The following PCNX2 variants were observed in gnomAD, a reference collection of about 807,000 sequenced individuals.
PCNX2 encodes the protein pecanex 2.
A neutral mutation model predicts 223.8 loss-of-function variants in PCNX2; 168 were observed. The observed-to-expected ratio is 0.75, with a 90% CI of 0.66 to 0.85. The LOEUF is 0.85. Among genes scored for constraint, PCNX2 ranks in the 40% least tolerant of loss-of-function variants. The pLI, the probability that PCNX2 is intolerant of heterozygous loss-of-function variation, is 0.00. For synonymous variants in PCNX2, 1,006 were observed against 1,052.6 expected (o/e 0.96, Z 0.86); for missense variants, 2,507 against 2,675.5 (o/e 0.94, Z 1.39).
chr1:233,319,500 C>A, the PCNX2 span, among the ~76,000 whole-genome samples: 10 of 151,846 alleles, frequency 6.6e-5, no homozygotes, highest in Admixed American at 3.3e-4. Flanking sequence ...AGTGGAAGCC[C>A]AAGAGAGAAA....
intron 23 of PCNX2, among the ~76,000 whole-genome samples, chr1:233,062,290 T>C (rs1221795305): frequency 6.6e-6 from 1 of 152,214 alleles, no homozygotes; most frequent in Non-Finnish European, 1.5e-5. Flanking sequence ...TGCATGTGTG[T>C]ATATATTCTG....
chr1:233,173,187 T>C (rs1442590634), intron 17 of PCNX2, among the ~76,000 whole-genome samples: 1 of 152,084 alleles, frequency 6.6e-6, no homozygotes, highest in Non-Finnish European at 1.5e-5. Flanking sequence ...TTTCTCTTTT[T>C]AAAGACAGAG....
intron 13 of PCNX2, chr1:233,202,087 C>T: frequency 2.3e-6 from 1 of 428,510 alleles, no homozygotes; most frequent in South Asian, 1.8e-5. Flanking sequence ...AGAGGGAGTC[C>T]ATGTGTCTCA....
At chr1:233,174,923 C>T (rs1458498650) in intron 17 of PCNX2, among the ~76,000 whole-genome samples, 1 of 152,094 alleles carries the variant, frequency 6.6e-6, no homozygotes, top group Non-Finnish European at 1.5e-5. Flanking sequence ...TCAATGTTTC[C>T]TGAAGTGCAA....
upstream of PCNX2, among the ~76,000 whole-genome samples, chr1:233,298,883 A>AAAACAAACAAAC (rs146968053): frequency 2.0e-5 from 3 of 151,422 alleles, no homozygotes; most frequent in Admixed American, 1.3e-4. Flanking sequence ...CTGCATCTCA[A>AAAACAAACAAAC]AAACAAACAA....
At chr1:233,204,545 T>C (rs552795023) in intron 13 of PCNX2, among the ~76,000 whole-genome samples, 6 of 152,354 alleles carry the variant, frequency 3.9e-5, no homozygotes, top group Admixed American at 3.9e-4. Context: ...TTACATCCCT[T>C]GCTAGTTGAG....
intron 9 of PCNX2, chr1:233,232,806 A>G (rs1401077243): frequency 1.0e-6 from 1 of 985,216 alleles, no homozygotes; most frequent in Non-Finnish European, 1.2e-6. Context: ...TATCTTTGCA[A>G]TTCTCACCAA....
intron 1 of PCNX2, among the ~76,000 whole-genome samples, chr1:233,281,948 G>A (rs755073075): frequency 6.6e-6 from 1 of 152,126 alleles, no homozygotes; most frequent in African/African-American, 2.4e-5. Flanking sequence ...CTGATCTTGA[G>A]GGAGGAATAA....
intron 26 of PCNX2, 91 bp from the exon 27 acceptor site, chr1:233,017,245 C>T: frequency 1.1e-6 from 1 of 907,518 alleles, no homozygotes; most frequent in Non-Finnish European, 1.6e-6. Flanking sequence ...GAAATCCCTA[C>T]ATGTGGTATC....
intron 23 of PCNX2, among the ~76,000 whole-genome samples, chr1:233,074,310 C>T (rs1037445038): frequency 4.2e-4 from 64 of 151,996 alleles, no homozygotes; most frequent in South Asian, 6.2e-4. Context: ...GTTAAGAGGA[C>T]GAGGCCGGGC....
intron 23 of PCNX2, among the ~76,000 whole-genome samples, chr1:233,076,945 T>C (rs1341652531): frequency 5.9e-5 from 9 of 152,234 alleles, no homozygotes; most frequent in Admixed American, 3.9e-4. Flanking sequence ...ATTTGATTTA[T>C]GATTTATTAA....
intron 19 of PCNX2, among the ~76,000 whole-genome samples, chr1:233,142,662 C>G (rs1677198612): frequency 6.6e-6 from 1 of 152,214 alleles, no homozygotes; most frequent in African/African-American, 2.4e-5. Context: ...CTCCCACTTA[C>G]TGGGGACACC....
At chr1:233,064,216 A>G (rs1183028234) in intron 23 of PCNX2, among the ~76,000 whole-genome samples, 2 of 152,100 alleles carry the variant, frequency 1.3e-5, no homozygotes, top group Non-Finnish European at 2.9e-5. Flanking sequence ...AAGATATGTC[A>G]TGTCCTTTAA....
At chr1:233,129,248 G>A (rs955361036) in intron 21 of PCNX2, among the ~76,000 whole-genome samples, 2 of 152,214 alleles carry the variant, frequency 1.3e-5, no homozygotes, top group South Asian at 2.1e-4. Flanking sequence ...CTTAGCACCC[G>A]GGCCAGCAGC....
chr1:232,998,963 C>T (rs982019066), intron 31 of PCNX2, 142 bp downstream of exon 31: 14 of 886,598 alleles, frequency 1.6e-5, no homozygotes, highest in East Asian at 2.7e-5. Flanking sequence ...ATGATCTGTT[C>T]GATGCCACTT....
At position 233,111,359 on chromosome 1, in the gene PCNX2, C is replaced by T. The variant is rs953351529; in HGVS notation, c.3838-15496G>A. The stretch of plus-strand genomic sequence containing the variant: ...AGAATATTATAAGTACTCATAAATA[C>T]AGGTTATTTTACTGGTTGCACTTAT... On this transcript the variant is annotated intron_variant, in intron 21 of 33. Coordinates refer to ENST00000258229, the MANE Select transcript of PCNX2 (RefSeq NM_014801.4). Among the ~76,000 whole-genome samples the T allele has an allele frequency of 2.0e-5, 3 of 152,170 alleles. No individual in the cohort carries two copies. In the East Asian group the frequency reaches 5.8e-4, roughly 29 times the overall value.
At chr1:233,013,389 A>T (rs964812695) in intron 28 of PCNX2, among the ~76,000 whole-genome samples, 6 of 151,948 alleles carry the variant, frequency 3.9e-5, no homozygotes, top group Non-Finnish European at 8.8e-5. Flanking sequence ...TCAATTCACA[A>T]CTCTTACTTG....
rs1039807907 is a variant in PCNX2, at chr1:233,075,834, C to T, written c.4076+14227G>A. Reference sequence around the variant, plus strand: ...TGTATCTCTGATTCTAACGTGCTTACACCTTAAATTAGTATTATTTCTTCC... The same window carrying T: ...TGTATCTCTGATTCTAACGTGCTTATACCTTAAATTAGTATTATTTCTTCC... On this transcript the variant is annotated intron_variant, in intron 23 of 33. Coordinates refer to ENST00000258229, the MANE Select transcript of PCNX2 (RefSeq NM_014801.4). Among the ~76,000 whole-genome samples the T allele has an allele frequency of 2.4e-4, 36 of 152,064 alleles. 1 individual carries two copies. The highest frequency in any genetic ancestry group is 7.5e-4 in the African/African-American group (31 of 41,398).
the PCNX2 span, among the ~76,000 whole-genome samples, chr1:233,316,295 C>A: frequency 1.0e-3 from 155 of 152,270 alleles, no homozygotes; most frequent in Non-Finnish European, 2.0e-3. Context: ...GAATTCAAAG[C>A]TTTGACACTA....
Sources: gnomAD v4.1 joint callset for allele counts (sites outside exome capture counted in the v4.1 genomes callset) on GRCh38, gnomAD v4.1.1 for gene constraint, MANE v1.5 for transcripts, NCBI Gene and HGNC (gene_info 2026-07-23, HGNC 2026-07-21) for gene names.